The following TMEM132D variants were observed in gnomAD, a reference collection of about 807,000 sequenced individuals.
TMEM132D encodes the protein mature OL transmembrane protein.
Under a neutral mutation model 62.3 loss-of-function variants are expected in TMEM132D, and 21 were observed. That is an observed-to-expected ratio of 0.34 (90% CI 0.24 to 0.49). The LOEUF (loss-of-function observed/expected upper bound fraction) is 0.49. Among genes scored for constraint, TMEM132D ranks in the 20% least tolerant of loss-of-function variants. The probability of loss-of-function intolerance (pLI) is 0.99; values close to 1 mark genes in which losing one functional copy is unlikely to be tolerated. For synonymous variants in TMEM132D, 621 were observed against 575.6 expected (o/e 1.08, Z -1.13); for missense variants, 1,346 against 1,402.8 (o/e 0.96, Z 0.65).
chr12:129,611,192 A>G (rs1878765048), intron 2 of TMEM132D, among the ~76,000 whole-genome samples: 1 of 152,202 alleles, frequency 6.6e-6, no homozygotes, highest in South Asian at 2.1e-4. Context: ...ATAGTTTAAT[A>G]CTTAGAACAT....
At chr12:129,285,851 A>T (rs1461306818) in intron 4 of TMEM132D, among the ~76,000 whole-genome samples, 3 of 152,046 alleles carry the variant, frequency 2.0e-5, no homozygotes, top group Non-Finnish European at 1.5e-5. Context: ...CACTTCCCCC[A>T]TCAGTCCATC....
intron 2 of TMEM132D, among the ~76,000 whole-genome samples, chr12:129,677,416 T>C (rs1565945690): frequency 6.6e-6 from 1 of 152,296 alleles, no homozygotes; most frequent in East Asian, 1.9e-4. Flanking sequence ...TTAAACCTCT[T>C]TCTCTTCTAA....
chr12:129,343,768 A>C (rs7960746), intron 3 of TMEM132D, among the ~76,000 whole-genome samples: 1 of 149,078 alleles, frequency 6.7e-6, no homozygotes, highest in African/African-American at 2.5e-5. Flanking sequence ...AAACAAAAAA[A>C]AACAAAAAAA....
At chr12:129,825,526 G>A (rs141404152) in intron 1 of TMEM132D, among the ~76,000 whole-genome samples, 4,332 of 152,208 alleles carry the variant, frequency 0.028, 139 homozygotes, top group Admixed American at 0.091. Flanking sequence ...GGTGACGCCA[G>A]CCTCCCCTGC....
intron 5 of TMEM132D, among the ~76,000 whole-genome samples, chr12:129,168,192 C>G (rs1877618523): frequency 6.6e-6 from 1 of 152,122 alleles, no homozygotes. Context: ...AGAGTTTTAA[C>G]TATGGTTTCC....
intron 5 of TMEM132D, among the ~76,000 whole-genome samples, chr12:129,101,983 T>TGG (rs146997373): frequency 7.6e-6 from 1 of 132,340 alleles, no homozygotes; most frequent in African/African-American, 2.7e-5. Context: ...TCAAAGCTGC[T>TGG]GTTTTTTTTT....
intron 3 of TMEM132D, among the ~76,000 whole-genome samples, chr12:129,474,005 C>T (rs538390116): frequency 1.3e-5 from 2 of 152,314 alleles, no homozygotes; most frequent in East Asian, 1.9e-4. Flanking sequence ...AGACTTTCAA[C>T]GGCATGGCTT....
rs528354129 is a variant in TMEM132D at position 129,385,474 on chromosome 12, C to A, written c.1116-47657G>T. ...CACTTAGAGGAAAAGACTTTTACAT[C>A]TTGGTTATTCCCAGTGACCTGAAAA... On this transcript the variant is annotated intron_variant, in intron 3 of 8. Transcript: ENST00000422113. 1.5e-4 allele frequency among the ~76,000 whole-genome samples: 23 copies of A among 152,222 alleles called. 1 individual carries two copies. Among genetic ancestry groups the A allele is most frequent in the African/African-American group, 5.1e-4 (21 of 41,550 alleles).
At chr12:129,598,959 T>C (rs1200770757) in intron 2 of TMEM132D, among the ~76,000 whole-genome samples, 1 of 152,164 alleles carries the variant, frequency 6.6e-6, no homozygotes, top group Non-Finnish European at 1.5e-5. Flanking sequence ...GAAATGAATA[T>C]CTAATGACAC....
At chr12:129,251,019 C>T (rs1210117393) in intron 4 of TMEM132D, among the ~76,000 whole-genome samples, 1 of 152,124 alleles carries the variant, frequency 6.6e-6, no homozygotes, top group Non-Finnish European at 1.5e-5. Context: ...CAGCCTTGTG[C>T]AGCAATCACC....
rs570386113 is a variant in TMEM132D at position 129,351,945 on chromosome 12, C to T, written c.1116-14128G>A. Among the ~76,000 whole-genome samples the T allele has an allele frequency of 2.0e-4, 31 of 152,242 alleles. No individual in the cohort carries two copies. In the South Asian group the frequency reaches 3.5e-3, roughly 17 times the overall value. The stretch of plus-strand genomic sequence containing the variant: ...CAGTTAGGCAGGAATATCATCACTC[C>T]TATTCAGCCTGAAGAAGTTACAGAA... On this transcript the variant is annotated intron_variant, in intron 3 of 8. Coordinates refer to ENST00000422113, the MANE Select transcript of TMEM132D (RefSeq NM_133448.3).
At chr12:129,109,936 C>A (rs879776517) in intron 5 of TMEM132D, 4 of 152,706 alleles carry the variant, frequency 2.6e-5, no homozygotes, top group African/African-American at 9.7e-5. Flanking sequence ...TCCTCAGGGG[C>A]CTTCAGAAGC....
At chr12:129,555,242 G>A (rs555654236) in intron 2 of TMEM132D, among the ~76,000 whole-genome samples, 8 of 152,152 alleles carry the variant, frequency 5.3e-5, no homozygotes, top group Admixed American at 1.3e-4. Context: ...CCATAACACC[G>A]GTGTTGAATG....
chr12:129,640,237 G>A (rs532676872), intron 2 of TMEM132D, among the ~76,000 whole-genome samples: 2 of 152,168 alleles, frequency 1.3e-5, no homozygotes, highest in South Asian at 4.1e-4. Flanking sequence ...CCAGGCCAAG[G>A]AATCGTCTTT....
At chr12:129,135,721 C>T (rs1876538080) in intron 5 of TMEM132D, among the ~76,000 whole-genome samples, 1 of 152,020 alleles carries the variant, frequency 6.6e-6, no homozygotes, top group South Asian at 2.1e-4. Context: ...GGGTTGGTTC[C>T]TTCTGAGAAA....
At chr12:129,729,608 C>T (rs1359032117) in intron 1 of TMEM132D, among the ~76,000 whole-genome samples, 2 of 152,098 alleles carry the variant, frequency 1.3e-5, no homozygotes, top group Non-Finnish European at 2.9e-5. Context: ...AACTCCTAGT[C>T]ATACTTCAAA....
chr12:129,263,135 C>G (rs1880596200), intron 4 of TMEM132D, among the ~76,000 whole-genome samples: 1 of 152,196 alleles, frequency 6.6e-6, no homozygotes, highest in South Asian at 2.1e-4. Context: ...GTGCACTTCA[C>G]AGAGCAATCT....
At chr12:129,837,674 C>T (rs1017709063) in intron 1 of TMEM132D, among the ~76,000 whole-genome samples, 6 of 152,252 alleles carry the variant, frequency 3.9e-5, no homozygotes, top group South Asian at 2.1e-4. Context: ...TCAATGTCTT[C>T]GATCTGCTGT....
intron 3 of TMEM132D, among the ~76,000 whole-genome samples, chr12:129,478,500 CA>C (rs1874334936): frequency 6.6e-6 from 1 of 152,150 alleles, no homozygotes; most frequent in Non-Finnish European, 1.5e-5. Flanking sequence ...TAAAATTAAA[CA>C]AGGCTGACTT....
Sources: allele counts gnomAD v4.1 joint callset (sites outside exome capture counted in the v4.1 genomes callset), GRCh38; gene constraint gnomAD v4.1.1; transcripts MANE v1.5; gene names NCBI Gene and HGNC (gene_info 2026-07-23, HGNC 2026-07-21).